Variants in MPHOSPH6 observed in about 807,000 individuals in gnomAD.
MPHOSPH6 encodes M-phase phosphoprotein 6.
In MPHOSPH6, 25 loss-of-function variants were observed where a neutral mutation model predicts 21.8. That is an observed-to-expected ratio of 1.15 (90% confidence interval 0.83 to 1.60). The LOEUF (loss-of-function observed/expected upper bound fraction) is 1.60, where lower values mean the gene tolerates loss of function less well. Ranked by LOEUF, MPHOSPH6 falls within the 40% of genes most tolerant of loss-of-function variation. The pLI is 0.00. For synonymous variants in MPHOSPH6, 84 were observed against 56.5 expected (o/e 1.49, Z -2.18); for missense variants, 269 against 181.8 (o/e 1.48, Z -2.76).
chr16:82,151,416 T>C lies in MPHOSPH6; in HGVS notation c.255+8A>G, dbSNP rs1420261967. 4.4e-6 allele frequency: 7 copies of C among 1,604,766 alleles called. No individual in the cohort carries two copies. The highest frequency in any genetic ancestry group is 5.9e-6 in the Non-Finnish European group (7 of 1,177,378). ...AAATTTTTAATTTGAAGCAATTATA[T>C]TTAATACCTCAACCTCAGGATTAAA... On this transcript the variant is annotated splice_region_variant and intron_variant, in intron 3 of 4. Coordinates refer to ENST00000258169, the MANE Select transcript of MPHOSPH6 (RefSeq NM_005792.2).
chr16:82,160,339 C>G (rs559503676), intron 2 of MPHOSPH6, among the ~76,000 whole-genome samples: 54 of 152,156 alleles, frequency 3.5e-4, no homozygotes, highest in Non-Finnish European at 6.5e-4. Flanking sequence ...TGAGAAACTA[C>G]TGCTCAGAAA....
chr16:82,168,674 G>A (rs1284726885), intron 1 of MPHOSPH6, among the ~76,000 whole-genome samples: 1 of 152,080 alleles, frequency 6.6e-6, no homozygotes, highest in Non-Finnish European at 1.5e-5. Flanking sequence ...GTTTCACCAT[G>A]TTGCCCAGGA....
chr16:82,156,925 C>T lies in MPHOSPH6; in HGVS notation c.165-5411G>A, dbSNP rs1329276447. Among the ~76,000 whole-genome samples the T allele has an allele frequency of 6.6e-5, 10 of 152,152 alleles. No individual in the cohort carries two copies. The East Asian group carries it at 7.7e-4, about 12-fold the overall frequency. On this transcript the variant is annotated intron_variant, in intron 2 of 4. Transcript: ENST00000258169. The stretch of plus-strand genomic sequence containing the variant: ...AAAATTAGCCGGGCATGGTGGTGCA[C>T]GCCTGTAATCCCAGCTACTCCGGAG...
chr16:82,153,284 A>G (rs558756196), intron 2 of MPHOSPH6, among the ~76,000 whole-genome samples: 1 of 152,366 alleles, frequency 6.6e-6, no homozygotes, highest in South Asian at 2.1e-4. Flanking sequence ...AGTAATTGGT[A>G]TGGAACTAGC....
intron 2 of MPHOSPH6, among the ~76,000 whole-genome samples, chr16:82,160,591 A>C (rs1906576043): frequency 6.6e-6 from 1 of 152,204 alleles, no homozygotes; most frequent in Non-Finnish European, 1.5e-5. Flanking sequence ...GGCCGAAGGC[A>C]AGTCTGCTTG....
In MPHOSPH6 at chr16:82,164,169, T is replaced by G. The variant is rs369037813; in HGVS notation, c.77A>C (p.Glu26Ala). The change falls in exon 2 of 5, where the codon GAA becomes GCA. Residue 26 changes from glutamate (E) to alanine (A), a missense_variant. Glu to Ala is a moderately radical substitution (Grantham distance 107). Transcript: ENST00000258169. ...TTCTTCTTCTAGTTGTTTCTTGGTT[T>G]CTGAGTCCAGTCCCCTTTGCATAAA... Reference protein sequence around the residue: ...MKFMQRGLDSETKKQLEEEEK... With the variant: ...MKFMQRGLDSATKKQLEEEEK... The G allele has an allele frequency of 1.9e-6, 3 of 1,611,328 alleles. No homozygotes were observed. The highest frequency in any genetic ancestry group is 1.7e-6 in the Non-Finnish European group (2 of 1,179,832).
intron 3 of MPHOSPH6, among the ~76,000 whole-genome samples, chr16:82,150,028 T>G (rs552554093): frequency 6.6e-6 from 1 of 151,824 alleles, no homozygotes; most frequent in Admixed American, 6.6e-5. Flanking sequence ...TTTTTTTAAA[T>G]GTGTAATCTC....
intron 1 of MPHOSPH6, 133 bp downstream of exon 1, chr16:82,169,992 G>T (rs1229133914): frequency 1.5e-5 from 15 of 1,031,622 alleles, no homozygotes; most frequent in Non-Finnish European, 2.1e-5. Flanking sequence ...CTAAGTGAAT[G>T]AATGAGCACG....
chr16:82,158,982 G>A (rs1175573019), intron 2 of MPHOSPH6, among the ~76,000 whole-genome samples: 1 of 152,178 alleles, frequency 6.6e-6, no homozygotes, highest in Non-Finnish European at 1.5e-5. Context: ...ACCAAGACAT[G>A]AAAAATTCAC....
rs764241741 is a variant in MPHOSPH6, at chr16:82,148,682, C to T, written c.*49G>A. On this transcript the variant is annotated 3_prime_UTR_variant, in exon 5 of 5. Coordinates refer to ENST00000258169, the MANE Select transcript of MPHOSPH6 (RefSeq NM_005792.2). Reference sequence around the variant, plus strand: ...ACCATTGGGATGAGCTCCAGATGCCCTGCTGACTTCCACCAAGCACCCCTG... The same window carrying T: ...ACCATTGGGATGAGCTCCAGATGCCTTGCTGACTTCCACCAAGCACCCCTG... 50 of 1,601,448 alleles carry T rather than the reference C, an allele frequency of 3.1e-5. No homozygotes were observed. Among genetic ancestry groups the T allele is most frequent in the Non-Finnish European group, 4.0e-5 (47 of 1,173,534 alleles).
At position 82,161,808 on chromosome 16, in the gene MPHOSPH6, C is replaced by G. The variant is rs1431329685; in HGVS notation, c.164+2274G>C. Among the ~76,000 whole-genome samples, 4 of 152,192 alleles carry G rather than the reference C, an allele frequency of 2.6e-5. No individual in the cohort carries two copies. The East Asian group carries it at 7.7e-4, about 29-fold the overall frequency. ...GCACAGCAGCTAGATCATCATTCCC[C>G]TACATGGTCTAGCCACTGGCTAAAA... On this transcript the variant is annotated intron_variant, in intron 2 of 4. Transcript: ENST00000258169.
chr16:82,148,942 A>G, intron 4 of MPHOSPH6, 79 bp from the exon 5 acceptor site: 1 of 1,499,004 alleles, frequency 6.7e-7, no homozygotes, highest in Middle Eastern at 1.8e-4. Flanking sequence ...TATCAGACCA[A>G]ATATGCAATA....
intron 2 of MPHOSPH6, among the ~76,000 whole-genome samples, chr16:82,162,029 G>A (rs1412613139): frequency 1.3e-5 from 2 of 152,198 alleles, no homozygotes; most frequent in Non-Finnish European, 2.9e-5. Context: ...AGAAAGGAAT[G>A]GGTGTACTTC....
rs116057733 is a variant in MPHOSPH6, at chr16:82,161,638, T to C, written c.164+2444A>G. On this transcript the variant is annotated intron_variant, in intron 2 of 4. Coordinates refer to ENST00000258169, the MANE Select transcript of MPHOSPH6 (RefSeq NM_005792.2). ...TATGCAGAAAACTTAGCAGGCAGTGTTGTTCAGCAGATGCCCTTCTAGGAA... is the reference window on the plus strand; with the variant it reads ...TATGCAGAAAACTTAGCAGGCAGTGCTGTTCAGCAGATGCCCTTCTAGGAA... Among the ~76,000 whole-genome samples, 253 of 152,286 alleles carry C rather than the reference T, an allele frequency of 1.7e-3. 1 individual carries two copies. Among genetic ancestry groups the C allele is most frequent in the African/African-American group, 5.9e-3 (246 of 41,550 alleles).
chr16:82,163,675 A>G (rs1176180474), intron 2 of MPHOSPH6, among the ~76,000 whole-genome samples: 1 of 152,268 alleles, frequency 6.6e-6, no homozygotes, highest in Non-Finnish European at 1.5e-5. Flanking sequence ...TTAAAAGAAG[A>G]AACAAAAACT....
At chr16:82,160,404 C>T (rs1270364209) in intron 2 of MPHOSPH6, among the ~76,000 whole-genome samples, 1 of 152,146 alleles carries the variant, frequency 6.6e-6, no homozygotes, top group Non-Finnish European at 1.5e-5. Flanking sequence ...GTTAGAAAAC[C>T]CTTCTCAGTG....
chr16:82,152,414 G>A (rs565292482), intron 2 of MPHOSPH6, among the ~76,000 whole-genome samples: 1 of 152,262 alleles, frequency 6.6e-6, no homozygotes, highest in East Asian at 1.9e-4. Flanking sequence ...GCTGACCCTG[G>A]ATGACTTCAG....
chr16:82,156,585 A>G (rs1420007735), intron 2 of MPHOSPH6, among the ~76,000 whole-genome samples: 2 of 152,230 alleles, frequency 1.3e-5, no homozygotes, highest in African/African-American at 2.4e-5. Context: ...TGCCACTAAA[A>G]TAGTTAAAAG....
At chr16:82,149,500 A>T in intron 3 of MPHOSPH6, 97 bp from the exon 4 acceptor site, 1 of 1,007,666 alleles carries the variant, frequency 9.9e-7, no homozygotes, top group South Asian at 1.3e-5. Flanking sequence ...GAAGTCAAAT[A>T]ATCTAGAGAA....
Sources: allele counts gnomAD v4.1 joint callset (sites outside exome capture counted in the v4.1 genomes callset), GRCh38; gene constraint gnomAD v4.1.1; transcripts MANE v1.5; gene names NCBI Gene and HGNC (gene_info 2026-07-23, HGNC 2026-07-21).